The following PLEKHG3 variants were observed in gnomAD, a reference collection of about 807,000 sequenced individuals.
PLEKHG3 encodes pleckstrin homology and RhoGEF domain containing G3, also known as pleckstrin homology domain-containing family G member 3.
PLEKHG3 carries 62 observed loss-of-function variants against 94.9 expected under a neutral mutation model. The observed-to-expected ratio is 0.65, with a 90% CI of 0.53 to 0.81. The LOEUF is 0.81. Ranked by LOEUF, PLEKHG3 falls within the 30% of genes least tolerant of loss-of-function variation. PLEKHG3 has a pLI of 0.00. For missense variants in PLEKHG3, 1,461 were observed against 1,619.3 expected (o/e 0.90, Z 1.68); for synonymous variants, 614 against 654.0 (o/e 0.94, Z 0.93).
In PLEKHG3 at chr14:64,730,103, C is replaced by T. The variant is rs1336572037; in HGVS notation, c.450-140C>T. On this transcript the variant is annotated intron_variant, in intron 3 of 16. Coordinates refer to ENST00000247226, the MANE Select transcript of PLEKHG3 (RefSeq NM_001308147.2). The surrounding 1 kb of genome is among the most constrained non-coding windows in gnomAD (Gnocchi z 5.4). ...TGGTTGCTGCCTGGGGCAGGACTCC[C>T]TCTGAGGCTAGAAGCCCCAGTTCTT... 3.3e-6 allele frequency: 2 copies of T among 601,206 alleles called. No individual in the cohort carries two copies. The highest frequency in any genetic ancestry group is 6.0e-6 in the Non-Finnish European group (2 of 335,804). The allele number at this position is 601,206 out of a possible 1,614,324, so 37.2% of individuals were successfully genotyped here.
At chr14:64,709,642 G>A (rs2081035672) in intron 1 of PLEKHG3, among the ~76,000 whole-genome samples, 1 of 152,030 alleles carries the variant, frequency 6.6e-6, no homozygotes, top group Non-Finnish European at 1.5e-5. Context: ...ATTTTACCTT[G>A]GGAACAGGGT....
At position 64,746,918 on chromosome 14, in the gene PLEKHG3, G is replaced by A. The variant is rs1594726124; in HGVS notation, c.*3215G>A. The A allele has an allele frequency of 6.5e-6, 1 of 152,692 alleles. No homozygotes were observed. The highest frequency in any genetic ancestry group is 1.9e-4 in the East Asian group (1 of 5,184). 9.5% of individuals were successfully genotyped at this position (152,692 alleles called of 1,614,324 possible). ...AAAAAAAAAAAAAGACCTTGCTAGG[G>A]CACTGGGAGAGCTTAGCCCTGGTGT... On this transcript the variant is annotated 3_prime_UTR_variant, in exon 17 of 17. Coordinates refer to ENST00000247226, the MANE Select transcript of PLEKHG3 (RefSeq NM_001308147.2). The surrounding 1 kb of genome is among the most constrained non-coding windows in gnomAD (Gnocchi z 4.9).
At chr14:64,712,793 ATCTCT>A (rs1440787867) in intron 1 of PLEKHG3, among the ~76,000 whole-genome samples, 3 of 152,170 alleles carry the variant, frequency 2.0e-5, no homozygotes, top group Non-Finnish European at 4.4e-5. Flanking sequence ...TTCAACCCAG[ATCTCT>A]TCTATTTCTT....
In PLEKHG3 at chr14:64,731,527, A is replaced by G; in HGVS notation, c.1016A>G (p.Tyr339Cys). 1 of 1,613,976 alleles carries G rather than the reference A, an allele frequency of 6.2e-7. No individual in the cohort carries two copies. Among genetic ancestry groups the G allele is most frequent in the South Asian group, 1.1e-5 (1 of 91,064 alleles). ...AAGAAGCGGGGCGATCACTTTGTCT[A>G]CAAGGGCAACATCCCGGTAACCAGG... ...ITKKRGDHFV[Y>C]KGNIPCSSLM... Residue 339 changes from tyrosine (Y) to cysteine (C), a missense_variant, in exon 8 of 17, where the codon TAC becomes TGC. By Grantham distance (194) the Tyr-to-Cys change is radical (BLOSUM62 -2). Transcript: ENST00000247226. This position sits in a 1 kb window ranked among gnomAD's most constrained non-coding sequence, Gnocchi z 6.1.
At position 64,715,902 on chromosome 14, in the gene PLEKHG3, TC is replaced by T; in HGVS notation, c.-40+11199del. 1 of 395,472 alleles carries T rather than the reference TC, an allele frequency of 2.5e-6. No individual in the cohort carries two copies. The highest frequency in any genetic ancestry group is 1.8e-5 in the South Asian group (1 of 55,642). The allele number at this position is 395,472 out of a possible 1,614,324, so 24.5% of individuals were successfully genotyped here. ...AGTATGACCCACACGCAGAACTGGT[TC>T]TGAATAGAACATTTATTGACGAAGT... On this transcript the variant is annotated intron_variant, in intron 1 of 16. Coordinates refer to ENST00000247226, the MANE Select transcript of PLEKHG3 (RefSeq NM_001308147.2). This position sits in a 1 kb window ranked among gnomAD's most constrained non-coding sequence, Gnocchi z 4.4.
In PLEKHG3 at chr14:64,731,587, C is replaced by T; in HGVS notation, c.1032+44C>T. Reference sequence around the variant, plus strand: ...ATCTCCTCTGCCATCTTCTCTCCTTCCCAAAGGATCTGGGCTCCCCTTCTT... The same window carrying T: ...ATCTCCTCTGCCATCTTCTCTCCTTTCCAAAGGATCTGGGCTCCCCTTCTT... On this transcript the variant is annotated intron_variant, in intron 8 of 16. Transcript: ENST00000247226. This position sits in a 1 kb window ranked among gnomAD's most constrained non-coding sequence, Gnocchi z 6.1. 6.3e-7 allele frequency: 1 copy of T among 1,589,812 alleles called. No individual in the cohort carries two copies. The highest frequency in any genetic ancestry group is 8.6e-7 in the Non-Finnish European group (1 of 1,158,304).
chr14:64,741,773 C>T lies in PLEKHG3; in HGVS notation c.2256C>T (p.Asn752=). The part of the protein sequence containing the change: ...LSYIPKGLVR[N]SISRFNSLPR... ...ACATCCCCAAAGGACTGGTAAGAAA[C>T]TCCATCTCCAGGTTCAACAGCCTTC... Residue 752 remains asparagine (N), a synonymous_variant, in exon 16 of 17, where the codon AAC becomes AAT. Coordinates refer to ENST00000247226, the MANE Select transcript of PLEKHG3 (RefSeq NM_001308147.2). 1 of 1,613,410 alleles carries T rather than the reference C, an allele frequency of 6.2e-7. No individual in the cohort carries two copies. Among genetic ancestry groups the T allele is most frequent in the Non-Finnish European group, 8.5e-7 (1 of 1,180,034 alleles).
intron 1 of PLEKHG3, among the ~76,000 whole-genome samples, chr14:64,714,460 A>C (rs1423131297): frequency 6.6e-6 from 1 of 152,076 alleles, no homozygotes; most frequent in Non-Finnish European, 1.5e-5. Context: ...TCCCTCCTCT[A>C]TCTTTTTCAT....
At chr14:64,714,558 G>A (rs1009232058) in intron 1 of PLEKHG3, among the ~76,000 whole-genome samples, 1 of 152,214 alleles carries the variant, frequency 6.6e-6, no homozygotes, top group Non-Finnish European at 1.5e-5. Context: ...CCATGAGAAT[G>A]AGGATGTGTC....
chr14:64,731,108 C>A lies in PLEKHG3; in HGVS notation c.788C>A (p.Thr263Asn), dbSNP rs2081452476. The change falls in exon 7 of 17, where the codon ACC becomes AAC. Residue 263 changes from threonine to asparagine, a missense_variant. Physicochemically the swap from Thr to Asn is moderately conservative, Grantham distance 65 (BLOSUM62 0). This residue lies in a region of PLEKHG3 where 1,201 missense variants were observed against 1,295.5 expected (regional missense o/e 0.93). Coordinates refer to ENST00000247226, the MANE Select transcript of PLEKHG3 (RefSeq NM_001308147.2). The surrounding 1 kb of genome is among the most constrained non-coding windows in gnomAD (Gnocchi z 6.1). ...GTGGAGGATGCCATTGACACCATGA[C>A]CTGTGTGGCCTGGTACATCAACGAC... Reference protein sequence around the residue: ...EVVEDAIDTMTCVAWYINDMK... With the variant: ...EVVEDAIDTMNCVAWYINDMK... The A allele has an allele frequency of 6.2e-7, 1 of 1,612,648 alleles. No homozygotes were observed. The highest frequency in any genetic ancestry group is 8.5e-7 in the Non-Finnish European group (1 of 1,178,716).
chr14:64,736,026 C>T (rs2081562251), intron 12 of PLEKHG3, among the ~76,000 whole-genome samples: 1 of 152,238 alleles, frequency 6.6e-6, no homozygotes, highest in African/African-American at 2.4e-5. Context: ...GGCCTGCCTG[C>T]TGAGGAACAG....
At chr14:64,742,872 A>G (rs1221777769) in intron 16 of PLEKHG3, 110 bp from the exon 17 acceptor site, 2 of 1,027,544 alleles carry the variant, frequency 1.9e-6, no homozygotes, top group East Asian at 4.7e-5. Context: ...CACACCCAAA[A>G]CCCCAACAAC....
Position 64,744,849 on chromosome 14 carries a change from C to T in PLEKHG3, c.*1146C>T, listed in dbSNP as rs1161999403. On this transcript the variant is annotated 3_prime_UTR_variant, in exon 17 of 17. Transcript: ENST00000247226. Reference sequence around the variant, plus strand: ...AGTGCAATGGCGTGATCTTGGCTTACTGCAACCTCCGCCTCCCAGGTTCAA... The same window carrying T: ...AGTGCAATGGCGTGATCTTGGCTTATTGCAACCTCCGCCTCCCAGGTTCAA... 3 of 147,638 alleles carry T rather than the reference C, an allele frequency of 2.0e-5. No homozygotes were observed. The highest frequency in any genetic ancestry group is 7.6e-5 in the African/African-American group (3 of 39,328). 9.1% of individuals were successfully genotyped at this position (147,638 alleles called of 1,614,324 possible). A position where few individuals can be genotyped will look rare whatever the true frequency, so the allele number is the denominator to read the frequency against.
Position 64,743,774 on chromosome 14 carries a change from C to G in PLEKHG3, c.*71C>G, listed in dbSNP as rs542185000. 4.8e-6 allele frequency: 7 copies of G among 1,468,220 alleles called. No individual in the cohort carries two copies. Among genetic ancestry groups the G allele is most frequent in the East Asian group, 2.4e-5 (1 of 42,468 alleles). 90.9% of individuals were successfully genotyped at this position (1,468,220 alleles called of 1,614,324 possible). A position where few individuals can be genotyped will look rare whatever the true frequency, so the allele number is the denominator to read the frequency against. ...GAACCTGGGCATCCTTCCCCTCAAG[C>G]CTGGGCTCATGGAGCCCCTGCCCAG... On this transcript the variant is annotated 3_prime_UTR_variant, in exon 17 of 17. Transcript: ENST00000247226. This position sits in a 1 kb window ranked among gnomAD's most constrained non-coding sequence, Gnocchi z 7.2.
intron 1 of PLEKHG3, among the ~76,000 whole-genome samples, chr14:64,710,547 CG>C (rs1339944080): frequency 1.3e-5 from 2 of 151,952 alleles, no homozygotes; most frequent in African/African-American, 4.8e-5. Context: ...GGCGGGCACC[CG>C]TAATCCCAGC....
At position 64,749,146 on chromosome 14, in the gene PLEKHG3, G is replaced by A. The variant is rs532527939; in HGVS notation, c.*5443G>A. The A allele has an allele frequency of 1.5e-5, 12 of 795,214 alleles. No individual in the cohort carries two copies. In the East Asian group the frequency reaches 1.5e-4, roughly 10 times the overall value. The allele number at this position is 795,214 out of a possible 1,614,324, so 49.3% of individuals were successfully genotyped here. A position where few individuals can be genotyped will look rare whatever the true frequency, so the allele number is the denominator to read the frequency against. On this transcript the variant is annotated 3_prime_UTR_variant, in exon 17 of 17. Transcript: ENST00000247226. This position sits in a 1 kb window ranked among gnomAD's most constrained non-coding sequence, Gnocchi z 4.7. ...GAGGGGGCGTCGGCCCAGGACACGC[G>A]GGCGAAGGCAGCTTTTGCAGTGCAG... is the stretch of plus-strand genomic sequence containing the variant.
chr14:64,723,934 A>G lies in PLEKHG3; in HGVS notation c.-39-3659A>G, dbSNP rs2081307878. The stretch of plus-strand genomic sequence containing the variant: ...AGACCCGTATGTGGTAGGATGGGGT[A>G]GGCGTGGGTACCTGGTTTGAGGGTT... On this transcript the variant is annotated intron_variant, in intron 1 of 16. Transcript: ENST00000247226. This position sits in a 1 kb window ranked among gnomAD's most constrained non-coding sequence, Gnocchi z 4.5. 1 of 152,222 alleles carries G rather than the reference A, an allele frequency of 6.6e-6. No homozygotes were observed. The highest frequency in any genetic ancestry group is 1.5e-5 in the Non-Finnish European group (1 of 68,072). The allele number at this position is 152,222 out of a possible 1,614,324, so 9.4% of individuals were successfully genotyped here.
In PLEKHG3 at chr14:64,731,918, C is replaced by A; in HGVS notation, c.1125+112C>A. 2 of 889,826 alleles carry A rather than the reference C, an allele frequency of 2.2e-6. No individual in the cohort carries two copies. Among genetic ancestry groups the A allele is most frequent in the Non-Finnish European group, 3.7e-6 (2 of 542,982 alleles). The allele number at this position is 889,826 out of a possible 1,614,324, so 55.1% of individuals were successfully genotyped here. A position where few individuals can be genotyped will look rare whatever the true frequency, so the allele number is the denominator to read the frequency against. ...CTGCCCCAAGCCCCAGTGTCTCCAT[C>A]TGTGAGGCAAGGATCATTGCAGGCA... On this transcript the variant is annotated intron_variant, in intron 9 of 16. Transcript: ENST00000247226. This position sits in a 1 kb window ranked among gnomAD's most constrained non-coding sequence, Gnocchi z 6.1.
chr14:64,733,656 G>T (rs1211801732), intron 12 of PLEKHG3, among the ~76,000 whole-genome samples: 1 of 152,200 alleles, frequency 6.6e-6, no homozygotes, highest in African/African-American at 2.4e-5. Context: ...GGGAAAACGA[G>T]TTCAGTGGCA....
Sources: gnomAD v4.1 joint callset for allele counts (sites outside exome capture counted in the v4.1 genomes callset) on GRCh38, gnomAD v4.1.1 for gene constraint, gnomAD v4.1.1 regional missense constraint, Gnocchi (gnomAD v3.1) non-coding constraint, MANE v1.5 for transcripts, NCBI Gene and HGNC (gene_info 2026-07-23, HGNC 2026-07-21) for gene names.